ARHGDIB: variants seen among roughly 807,000 people sequenced by gnomAD.
The protein encoded by ARHGDIB is rho GDP-dissociation inhibitor 2.
A neutral mutation model predicts 22.6 loss-of-function variants in ARHGDIB; 20 were observed. The observed-to-expected ratio is 0.88, with a 90% CI of 0.62 to 1.28. ARHGDIB has a LOEUF of 1.28. Among genes scored for constraint, ARHGDIB ranks in the 50% most tolerant of loss-of-function variants. The pLI is 0.00. For missense variants in ARHGDIB, 254 were observed against 245.4 expected (o/e 1.04, Z -0.23); for synonymous variants, 114 against 96.1 (o/e 1.19, Z -1.09).
intron 5 of ARHGDIB, among the ~76,000 whole-genome samples, chr12:14,943,086 T>C (rs1426102422): frequency 6.6e-6 from 1 of 152,146 alleles, no homozygotes; most frequent in East Asian, 1.9e-4. Context: ...CAGGCTGGTC[T>C]CGAACTACCA....
Position 14,948,874 on chromosome 12 carries a change from G to A in ARHGDIB, c.266-925C>T, listed in dbSNP as rs151260447. ...TCTCCTGGAGAGATGTCAGCATGTC[G>A]GGGTAGCTGAATGTGTGTGTGTGCC... On this transcript the variant is annotated intron_variant, in intron 3 of 5. Coordinates refer to ENST00000228945, the MANE Select transcript of ARHGDIB (RefSeq NM_001175.7). The A allele has an allele frequency of 6.9e-3, 1,059 of 152,514 alleles. 6 individuals carry two copies. The highest frequency in any genetic ancestry group is 0.024 in the African/African-American group (1,001 of 41,534). 9.4% of individuals were successfully genotyped at this position (152,514 alleles called of 1,614,324 possible).
intron 5 of ARHGDIB, among the ~76,000 whole-genome samples, chr12:14,943,516 C>T (rs1863932296): frequency 6.6e-6 from 1 of 151,984 alleles, no homozygotes; most frequent in Non-Finnish European, 1.5e-5. Context: ...CATTTTTGAG[C>T]CTCCATTTCT....
In ARHGDIB at chr12:14,945,645, G is replaced by A. The variant is rs189934713; in HGVS notation, c.343-806C>T. Among the ~76,000 whole-genome samples, 290 of 152,366 alleles carry A rather than the reference G, an allele frequency of 1.9e-3. 1 individual carries two copies. Among genetic ancestry groups the A allele is most frequent in the South Asian group, 7.2e-3 (35 of 4,830 alleles). ...AGAGCTTGGTTATCTGTTCACCAATGTGAAGAATTAAAGCATCTTCAAATA... is the reference window on the plus strand; with the variant it reads ...AGAGCTTGGTTATCTGTTCACCAATATGAAGAATTAAAGCATCTTCAAATA... On this transcript the variant is annotated intron_variant, in intron 4 of 5. Coordinates refer to ENST00000228945, the MANE Select transcript of ARHGDIB (RefSeq NM_001175.7).
chr12:14,942,940 C>A (rs1863907380), intron 5 of ARHGDIB, among the ~76,000 whole-genome samples: 2 of 152,016 alleles, frequency 1.3e-5, no homozygotes, highest in South Asian at 4.2e-4. Flanking sequence ...ACAATCTCGG[C>A]TCACCACAAC....
intron 1 of ARHGDIB, among the ~76,000 whole-genome samples, chr12:14,954,457 C>T (rs563912707): frequency 6.6e-6 from 1 of 152,342 alleles, no homozygotes. Context: ...AGGAAGTAGA[C>T]CCTTAGGAGA....
intron 2 of ARHGDIB, 76 bp downstream of exon 2, chr12:14,950,456 G>T: frequency 1.5e-6 from 2 of 1,366,704 alleles, no homozygotes; most frequent in Non-Finnish European, 1.0e-6. Flanking sequence ...TCCCTTTGCT[G>T]CTGCTCCTGA....
chr12:14,950,688 G>C lies in ARHGDIB; in HGVS notation c.25C>G (p.His9Asp), dbSNP rs776717968. The change falls in exon 2 of 6, where the codon CAT (histidine) becomes GAT (aspartate). Residue 9 changes from histidine (H) to aspartate (D), a missense_variant. By Grantham distance (81) the His-to-Asp change is moderately conservative. Coordinates refer to ENST00000228945, the MANE Select transcript of ARHGDIB (RefSeq NM_001175.7). The part of the protein sequence containing the change: MTEKAPEP[H>D]VEEDDDDELD... ...TCATCATCGTCATCCTCCTCCACAT[G>C]TGGCTCTGGGGCTTTTTCAGTCATT... 1.2e-6 allele frequency: 2 copies of C among 1,611,890 alleles called. No homozygotes were observed. Among genetic ancestry groups the C allele is most frequent in the Non-Finnish European group, 1.7e-6 (2 of 1,179,222 alleles).
chr12:14,945,843 CT>C (rs1400377987), intron 4 of ARHGDIB, among the ~76,000 whole-genome samples: 4 of 152,084 alleles, frequency 2.6e-5, no homozygotes, highest in Non-Finnish European at 5.9e-5. Flanking sequence ...CTATGAAAAG[CT>C]GTCAGAAAAA....
intron 1 of ARHGDIB, chr12:14,961,046 T>C (rs76642506): frequency 0.044 from 6,689 of 152,306 alleles, 401 homozygotes; most frequent in African/African-American, 0.13. Flanking sequence ...TTTGACAGCT[T>C]TGAACCATTT....
chr12:14,952,275 A>AG (rs1477800183), intron 1 of ARHGDIB, among the ~76,000 whole-genome samples: 1 of 73,016 alleles, frequency 1.4e-5, no homozygotes, highest in African/African-American at 4.9e-5. Flanking sequence ...TTTTAATGGA[A>AG]CCAAAAAAAA....
At chr12:14,943,036 T>A (rs1863911023) in intron 5 of ARHGDIB, among the ~76,000 whole-genome samples, 1 of 152,094 alleles carries the variant, frequency 6.6e-6, no homozygotes, top group Non-Finnish European at 1.5e-5. Flanking sequence ...GCTTGGCTAA[T>A]TTTGTATTTT....
At chr12:14,949,011 A>T (rs961646958) in intron 3 of ARHGDIB, 2 of 152,334 alleles carry the variant, frequency 1.3e-5, no homozygotes, top group Non-Finnish European at 2.9e-5. Flanking sequence ...GTGAGAGGGG[A>T]ACTACTCTGC....
At chr12:14,952,277 CA>C (rs3084566) in intron 1 of ARHGDIB, among the ~76,000 whole-genome samples, 6,385 of 127,250 alleles carry the variant, frequency 0.05, 321 homozygotes, top group African/African-American at 0.14. Context: ...TTAATGGAAC[CA>C]AAAAAAAAAA....
At chr12:14,950,201 G>C (rs370530155) in intron 2 of ARHGDIB, among the ~76,000 whole-genome samples, 3 of 152,068 alleles carry the variant, frequency 2.0e-5, no homozygotes, top group Admixed American at 6.5e-5. Context: ...GTTCTGCCGC[G>C]GTGTATGTGG....
At chr12:14,945,906 T>C (rs1864002864) in intron 4 of ARHGDIB, among the ~76,000 whole-genome samples, 1 of 152,198 alleles carries the variant, frequency 6.6e-6, no homozygotes, top group Non-Finnish European at 1.5e-5. Flanking sequence ...TCTAATACTG[T>C]GAGTCTCAAA....
At chr12:14,956,401 C>T (rs187589293) in intron 1 of ARHGDIB, 24 of 152,180 alleles carry the variant, frequency 1.6e-4, no homozygotes, top group Admixed American at 1.5e-3. Context: ...CTCAAATGCT[C>T]CCTAATTTAA....
chr12:14,948,896 T>C (rs999133385), intron 3 of ARHGDIB: 1 of 152,532 alleles, frequency 6.6e-6, no homozygotes, highest in African/African-American at 2.4e-5. Context: ...TGTGTGTGTG[T>C]GCCTGCTCTA....
chr12:14,944,860 A>C, intron 4 of ARHGDIB, 21 bp from the exon 5 acceptor site: 1 of 1,609,670 alleles, frequency 6.2e-7, no homozygotes, highest in Non-Finnish European at 8.5e-7. Flanking sequence ...GAAGGAACCA[A>C]GATGTTCAGA....
chr12:14,951,303 G>A (rs1454414623), intron 1 of ARHGDIB, among the ~76,000 whole-genome samples: 1 of 152,190 alleles, frequency 6.6e-6, no homozygotes, highest in Non-Finnish European at 1.5e-5. Flanking sequence ...CCTGCCTCAG[G>A]TGCCTGCATG....
Sources: gnomAD v4.1 joint callset for allele counts (sites outside exome capture counted in the v4.1 genomes callset) on GRCh38, gnomAD v4.1.1 for gene constraint, MANE v1.5 for transcripts, NCBI Gene and HGNC (gene_info 2026-07-23, HGNC 2026-07-21) for gene names.